Variants in MID1 observed in about 807,000 individuals in gnomAD.
The protein encoded by MID1 is midline 1, also known as E3 ubiquitin-protein ligase Midline-1.
MID1 carries 7 observed loss-of-function variants against 40.4 expected under a neutral mutation model. The ratio of observed to expected loss-of-function variants is 0.17; its 90% confidence interval spans 0.10 to 0.33. MID1 has a LOEUF of 0.33. Ranked by LOEUF, MID1 falls within the 10% of genes least tolerant of loss-of-function variation. The pLI is 1.00. For missense variants in MID1, 367 were observed against 558.5 expected (o/e 0.66, Z 3.46); for synonymous variants, 229 against 221.2 (o/e 1.04, Z -0.31).
At chrX:10,593,760 C>A (rs1021620863) in intron 1 of MID1, among the ~76,000 whole-genome samples, 2 of 82,085 alleles carry the variant, frequency 2.4e-5, no homozygotes, top group African/African-American at 1.1e-4. Context: ...CTCTGTCCCT[C>A]TGACACACAC....
rs1045223890 is a variant in MID1 at position 10,530,805 on chromosome X, G to A, written c.661-7618C>T. On this transcript the variant is annotated intron_variant, in intron 2 of 9. Coordinates refer to ENST00000317552, the MANE Select transcript of MID1 (RefSeq NM_000381.4). ...CAGTGATACCCAATCAAATAGCAAG[G>A]GAAGCAGACAAATGCCCCTAATTTT... 2.7e-5 allele frequency among the ~76,000 whole-genome samples: 3 copies of A among 111,814 alleles called. No individual in the cohort carries two copies. In the Admixed American group the frequency reaches 2.8e-4, roughly 11 times the overall value.
At chrX:10,699,948 G>A (rs1039724889) in intron 1 of MID1, among the ~76,000 whole-genome samples, 1 of 108,811 alleles carries the variant, frequency 9.2e-6, no homozygotes, top group Non-Finnish European at 1.9e-5. Flanking sequence ...TCAGCCACCC[G>A]AGTAGCTGGG....
At chrX:10,550,346 T>C (rs1461054213) in intron 2 of MID1, among the ~76,000 whole-genome samples, 1 of 111,952 alleles carries the variant, frequency 8.9e-6, no homozygotes, top group Non-Finnish European at 1.9e-5. Flanking sequence ...TAAATCATGT[T>C]TTGGGAAGGG....
At chrX:10,460,507 G>C (rs965381958) in intron 7 of MID1, among the ~76,000 whole-genome samples, 4 of 111,409 alleles carry the variant, frequency 3.6e-5, no homozygotes, top group Admixed American at 1.9e-4. Flanking sequence ...TTTGCAGCTG[G>C]TTGATGGCTG....
intron 1 of MID1, among the ~76,000 whole-genome samples, chrX:10,584,232 C>T (rs766247818): frequency 4.9e-4 from 55 of 111,918 alleles, no homozygotes; most frequent in African/African-American, 1.7e-3. Flanking sequence ...CATTAAGCCC[C>T]ACATCCCAGT....
intron 4 of MID1, among the ~76,000 whole-genome samples, chrX:10,484,345 A>G (rs1930501939): frequency 8.9e-6 from 1 of 112,754 alleles, no homozygotes; most frequent in African/African-American, 3.2e-5. Context: ...CCTTTAGAAT[A>G]ACTTCATGAC....
chrX:10,771,335 A>C (rs995668397), intron 1 of MID1, among the ~76,000 whole-genome samples: 2 of 111,174 alleles, frequency 1.8e-5, no homozygotes, highest in Non-Finnish European at 3.8e-5. Flanking sequence ...GAATCCTAAA[A>C]ATGCTAAAAG....
intron 1 of MID1, among the ~76,000 whole-genome samples, chrX:10,619,973 G>A (rs181134859): frequency 8.9e-6 from 1 of 111,819 alleles, no homozygotes. Context: ...CATCCTGCAC[G>A]ATACATTCCA....
rs200581331 is a variant in MID1, at chrX:10,459,674, G to A, written c.1419C>T (p.Ser473=). The change falls in exon 8 of 10, where the codon AGC becomes AGT. Residue 473 remains serine (S), a synonymous_variant. Coordinates refer to ENST00000317552, the MANE Select transcript of MID1 (RefSeq NM_000381.4). The stretch of plus-strand genomic sequence containing the variant: ...TTGTCTTCAACTTCCCAGGCTCACT[G>A]CTGCGGCTGCCCGCCTGGTTGATGG... ...VKAINQAGSR[S]SEPGKLKTNS... The A allele has an allele frequency of 8.3e-7, 1 of 1,210,126 alleles. No homozygotes were observed. Among genetic ancestry groups the A allele is most frequent in the East Asian group, 3.0e-5 (1 of 33,752 alleles).
intron 2 of MID1, among the ~76,000 whole-genome samples, chrX:10,559,341 A>G (rs915298648): frequency 1.8e-5 from 2 of 112,506 alleles, no homozygotes; most frequent in African/African-American, 6.5e-5. Context: ...TAGTACAAAC[A>G]GAATTGCATA....
intron 1 of MID1, among the ~76,000 whole-genome samples, chrX:10,712,462 C>T (rs186399248): frequency 3.6e-5 from 4 of 111,271 alleles, no homozygotes; most frequent in African/African-American, 9.8e-5. Context: ...AGCAAACTCA[C>T]TGCGTATATG....
At chrX:10,524,094 C>T (rs1932783715) in intron 2 of MID1, among the ~76,000 whole-genome samples, 1 of 111,960 alleles carries the variant, frequency 8.9e-6, no homozygotes, top group Admixed American at 9.5e-5. Flanking sequence ...CTTTGTCCAT[C>T]AATGCCAGAT....
At chrX:10,661,515 G>A (rs779815680) in intron 1 of MID1, among the ~76,000 whole-genome samples, 19 of 109,566 alleles carry the variant, frequency 1.7e-4, no homozygotes, top group African/African-American at 5.0e-4. Context: ...GGTTTCCACC[G>A]TGTTAGCCAG....
At chrX:10,823,254 T>C (rs773658013) in intron 1 of MID1, among the ~76,000 whole-genome samples, 33 of 111,518 alleles carry the variant, frequency 3.0e-4, no homozygotes, top group Non-Finnish European at 9.4e-5. Flanking sequence ...TTCTCGCTTA[T>C]ACATGCTAAC....
intron 2 of MID1, among the ~76,000 whole-genome samples, chrX:10,557,366 T>A (rs1934163958): frequency 2.7e-5 from 3 of 112,029 alleles, no homozygotes; most frequent in African/African-American, 9.7e-5. Context: ...AAAATCATTG[T>A]GTTTACTCCT....
intron 1 of MID1, among the ~76,000 whole-genome samples, chrX:10,682,561 G>A (rs755140930): frequency 3.3e-4 from 37 of 111,190 alleles, no homozygotes; most frequent in South Asian, 7.5e-4. Flanking sequence ...AAGATAGCTC[G>A]TTAAAATAAA....
At chrX:10,635,498 C>G (rs915376630) in intron 1 of MID1, among the ~76,000 whole-genome samples, 2 of 111,732 alleles carry the variant, frequency 1.8e-5, no homozygotes, top group East Asian at 5.6e-4. Flanking sequence ...TATTCATTTT[C>G]CTTGCAACTC....
rs765392240 is a variant in MID1, at chrX:10,449,683, C to T, written c.1689G>A (p.Pro563=). The change falls in exon 10 of 10, where the codon CCG becomes CCA. Residue 563 remains proline (P), a synonymous_variant. Coordinates refer to ENST00000317552, the MANE Select transcript of MID1 (RefSeq NM_000381.4). ...AGTTCTTCCCAATCCATTCATGCTT[C>T]GGGGCTGATTTGTAAGCAAGACCAA... ...YAIGLAYKSA[P]KHEWIGKNSA... The T allele has an allele frequency of 3.3e-6, 4 of 1,211,086 alleles. No individual in the cohort carries two copies. The highest frequency in any genetic ancestry group is 2.3e-4 in the Middle Eastern group (1 of 4,355).
intron 1 of MID1, among the ~76,000 whole-genome samples, chrX:10,812,810 A>G (rs1403087998): frequency 9.0e-6 from 1 of 111,642 alleles, no homozygotes. Context: ...ACCAATGTGG[A>G]GAGTTAATCA....
Sources: allele counts gnomAD v4.1 joint callset (sites outside exome capture counted in the v4.1 genomes callset), GRCh38; gene constraint gnomAD v4.1.1; transcripts MANE v1.5; gene names NCBI Gene and HGNC (gene_info 2026-07-23, HGNC 2026-07-21).